Variants in MEI1 observed in about 807,000 individuals in gnomAD.
The protein encoded by MEI1 is meiosis inhibitor protein 1.
MEI1 carries 103 observed loss-of-function variants against 146.2 expected under a neutral mutation model. That is an observed-to-expected ratio of 0.70 (90% confidence interval 0.60 to 0.83). The LOEUF (loss-of-function observed/expected upper bound fraction) is 0.83. Among genes scored for constraint, MEI1 ranks in the 40% least tolerant of loss-of-function variants. The probability of loss-of-function intolerance (pLI) is 0.00; values close to 1 mark genes in which losing one functional copy is unlikely to be tolerated. For missense variants in MEI1, 1,529 were observed against 1,533.0 expected (o/e 1.00, Z 0.04); for synonymous variants, 652 against 628.2 (o/e 1.04, Z -0.57).
rs373338933 is a variant in MEI1, at chr22:41,758,369, C to G, written c.1956C>G (p.Leu652=). 1.9e-5 allele frequency: 30 copies of G among 1,612,718 alleles called. No individual in the cohort carries two copies. Among genetic ancestry groups the G allele is most frequent in the Non-Finnish European group, 2.5e-5 (30 of 1,179,172 alleles). ...EKTGPPSKEE[L]SAVSELLQHG... Reference sequence around the variant, plus strand: ...CTCTACTTATTCCCTCCCTAGAACTCTCTGCAGTGTCTGAGCTCCTGCAGC... The same window carrying G: ...CTCTACTTATTCCCTCCCTAGAACTGTCTGCAGTGTCTGAGCTCCTGCAGC... Residue 652 remains leucine, a synonymous_variant, in exon 18 of 31, where the codon CTC becomes CTG. Transcript: ENST00000401548.
At chr22:41,723,871 G>A in intron 6 of MEI1, 72 bp from the exon 7 acceptor site, 1 of 1,512,016 alleles carries the variant, frequency 6.6e-7, no homozygotes, top group Non-Finnish European at 9.0e-7. Flanking sequence ...GGGGATGTCT[G>A]AGGGGCTATC....
At chr22:41,721,501 C>T (rs2070795574) in intron 6 of MEI1, among the ~76,000 whole-genome samples, 1 of 151,764 alleles carries the variant, frequency 6.6e-6, no homozygotes, top group South Asian at 2.1e-4. Flanking sequence ...GCCTTGGCCT[C>T]CCAAAGTGCT....
chr22:41,770,606 C>T (rs2075122786), intron 19 of MEI1, 80 bp from the exon 20 acceptor site: 1 of 1,339,758 alleles, frequency 7.5e-7, no homozygotes, highest in Non-Finnish European at 1.0e-6. Flanking sequence ...TACATTTTTC[C>T]TAGTCATCTC....
intron 11 of MEI1, among the ~76,000 whole-genome samples, chr22:41,740,759 C>T (rs527977120): frequency 1.3e-5 from 2 of 152,008 alleles, no homozygotes; most frequent in Admixed American, 6.6e-5. Flanking sequence ...AAAACAAACC[C>T]AAGAATTTAA....
intron 13 of MEI1, 108 bp from the exon 14 acceptor site, chr22:41,745,777 T>C: frequency 8.8e-7 from 1 of 1,133,730 alleles, no homozygotes; most frequent in South Asian, 1.8e-5. Flanking sequence ...ATAGAGATAC[T>C]TTCCCTGGAC....
At chr22:41,716,355 CTTTTTTTTTTTTTTTTTTTTTTTT>C (rs6147630) in intron 5 of MEI1, among the ~76,000 whole-genome samples, 89,778 of 119,202 alleles carry the variant, frequency 0.75, 32,249 homozygotes, top group East Asian at 0.91. Flanking sequence ...TCCATTCATT[CTTTTTTTTTTTTTTTTTTTTTTTT>C]TTTTTTTTTT....
intron 6 of MEI1, among the ~76,000 whole-genome samples, chr22:41,718,524 C>T (rs2070427222): frequency 6.6e-6 from 1 of 152,140 alleles, no homozygotes; most frequent in African/African-American, 2.4e-5. Context: ...TTACTGCCTG[C>T]CCTGGTGCAT....
chr22:41,755,421 T>C (rs1302446239), intron 17 of MEI1, among the ~76,000 whole-genome samples: 1 of 152,220 alleles, frequency 6.6e-6, no homozygotes, highest in Non-Finnish European at 1.5e-5. Flanking sequence ...ATAGCTTGGC[T>C]ACTGGTTCTC....
intron 16 of MEI1, among the ~76,000 whole-genome samples, chr22:41,753,305 A>G (rs1453185813): frequency 1.3e-5 from 2 of 151,898 alleles, no homozygotes; most frequent in African/African-American, 4.8e-5. Flanking sequence ...GCTGGCCACA[A>G]AAGTTTTGTG....
chr22:41,754,865 C>G (rs1453707577), intron 17 of MEI1, among the ~76,000 whole-genome samples: 3 of 152,108 alleles, frequency 2.0e-5, no homozygotes, highest in Non-Finnish European at 2.9e-5. Flanking sequence ...GTCAGAGATC[C>G]ATAGGCACTA....
intron 15 of MEI1, 161 bp from the exon 16 acceptor site, chr22:41,752,430 A>G: frequency 1.5e-6 from 1 of 646,532 alleles, no homozygotes; most frequent in Non-Finnish European, 2.8e-6. Context: ...GAGAAGTTAA[A>G]AAACTTTTCC....
At chr22:41,788,516 C>T (rs2076067599) in intron 26 of MEI1, among the ~76,000 whole-genome samples, 2 of 152,180 alleles carry the variant, frequency 1.3e-5, no homozygotes, top group Admixed American at 6.5e-5. Flanking sequence ...TCCCAGCTCA[C>T]TGCAACCTCC....
At chr22:41,775,448 G>A (rs2075388873) in intron 20 of MEI1, among the ~76,000 whole-genome samples, 1 of 152,128 alleles carries the variant, frequency 6.6e-6, no homozygotes, top group Non-Finnish European at 1.5e-5. Context: ...GAGGCATCCT[G>A]GAAAATAGAG....
chr22:41,757,208 C>T (rs1483457331), intron 17 of MEI1, among the ~76,000 whole-genome samples: 2 of 152,262 alleles, frequency 1.3e-5, no homozygotes, highest in African/African-American at 4.8e-5. Context: ...CATTCTCCTG[C>T]CTCAGCCTCC....
chr22:41,748,448 C>G (rs922298202), intron 15 of MEI1, among the ~76,000 whole-genome samples: 1 of 152,030 alleles, frequency 6.6e-6, no homozygotes, highest in Non-Finnish European at 1.5e-5. Flanking sequence ...CTTTGGGAGA[C>G]CAAGATGGGA....
chr22:41,784,966 C>T lies in MEI1; in HGVS notation c.3345+183C>T, dbSNP rs182983995. Among the ~76,000 whole-genome samples the T allele has an allele frequency of 8.6e-3, 1,212 of 141,580 alleles. 18 individuals carry two copies. The highest frequency in any genetic ancestry group is 0.034 in the African/African-American group (1,110 of 32,430). 92.9% of individuals were successfully genotyped at this position (141,580 alleles called of 152,430 possible). A position where few individuals can be genotyped will look rare whatever the true frequency, so the allele number is the denominator to read the frequency against. ...ATTTATTTATTTAGAGACAGAGTTT[C>T]GCTCTTGTTGCCCAGGCTGGAGTGC... On this transcript the variant is annotated intron_variant, in intron 26 of 30. Transcript: ENST00000401548.
intron 19 of MEI1, among the ~76,000 whole-genome samples, chr22:41,766,832 C>A (rs921674562): frequency 6.6e-6 from 1 of 152,146 alleles, no homozygotes. Context: ...GCTCCTGTCT[C>A]CAGTATTATT....
At chr22:41,783,473 G>A (rs1171147932) in intron 24 of MEI1, among the ~76,000 whole-genome samples, 1 of 152,084 alleles carries the variant, frequency 6.6e-6, no homozygotes. Context: ...TGTATTTTTA[G>A]TAGAGACGGG....
chr22:41,730,474 G>T, intron 8 of MEI1, 47 bp from the exon 9 acceptor site: 1 of 1,324,116 alleles, frequency 7.6e-7, no homozygotes, highest in Non-Finnish European at 1.1e-6. Flanking sequence ...AAGGGATCGT[G>T]ATCACATGGC....
Sources: allele counts gnomAD v4.1 joint callset (sites outside exome capture counted in the v4.1 genomes callset), GRCh38; gene constraint gnomAD v4.1.1; transcripts MANE v1.5; gene names NCBI Gene and HGNC (gene_info 2026-07-23, HGNC 2026-07-21).